PPP1CA: variants seen among roughly 807,000 people sequenced by gnomAD.
The protein encoded by PPP1CA is serine/threonine-protein phosphatase PP1-alpha catalytic subunit.
Under a neutral mutation model 38.5 loss-of-function variants are expected in PPP1CA, and 14 were observed. The observed-to-expected ratio is 0.36, with a 90% CI of 0.24 to 0.57. The LOEUF is 0.57. PPP1CA is among the 20% of genes least tolerant of loss of function. PPP1CA has a pLI of 0.80. For synonymous variants in PPP1CA, 200 were observed against 177.3 expected (o/e 1.13, Z -1.02); for missense variants, 277 against 435.2 (o/e 0.64, Z 3.23).
At position 67,398,781 on chromosome 11, in the gene PPP1CA, C is replaced by T; in HGVS notation, c.823G>A (p.Glu275Lys). ...TLFSAPNYCG[E>K]FDNAGAMMSV... ...ATCATGGCGCCAGCATTGTCAAACT[C>T]GCCACAGTAGTTGGGAGCTGAGAAA... The change falls in exon 6 of 7, where the codon GAG (glutamate) becomes AAG (lysine). Residue 275 changes from glutamate to lysine, a missense_variant. Coordinates refer to ENST00000376745, the MANE Select transcript of PPP1CA (RefSeq NM_002708.4). 1 of 1,613,916 alleles carries T rather than the reference C, an allele frequency of 6.2e-7. No homozygotes were observed. The highest frequency in any genetic ancestry group is 8.5e-7 in the Non-Finnish European group (1 of 1,180,022).
At position 67,398,203 on chromosome 11, in the gene PPP1CA, T is replaced by G. The variant is rs1284624857; in HGVS notation, c.*332A>C. 15 of 360,238 alleles carry G rather than the reference T, an allele frequency of 4.2e-5. No homozygotes were observed. Among genetic ancestry groups the G allele is most frequent in the Non-Finnish European group, 7.1e-5 (14 of 195,808 alleles). The allele number at this position is 360,238 out of a possible 1,614,324, so 22.3% of individuals were successfully genotyped here. On this transcript the variant is annotated 3_prime_UTR_variant, in exon 7 of 7. Coordinates refer to ENST00000376745, the MANE Select transcript of PPP1CA (RefSeq NM_002708.4). ...ATGGCGAGAATCCAGCTTTGACCTT[T>G]ATTCAAGAGACCAGATGGGTTGCCC...
chr11:67,401,622 TC>T, intron 1 of PPP1CA, 105 bp downstream of exon 1: 1 of 1,046,328 alleles, frequency 9.6e-7, no homozygotes, highest in Non-Finnish European at 1.2e-6. Flanking sequence ...TCGCTGCCCG[TC>T]CCCGCCCAGT....
At chr11:67,400,572 C>T (rs372389853) in intron 3 of PPP1CA, 117 bp downstream of exon 3, 4 of 1,043,800 alleles carry the variant, frequency 3.8e-6, no homozygotes, top group East Asian at 4.9e-5. Flanking sequence ...GCCCCGCCTT[C>T]GTGGAGCGCA....
Position 67,398,524 on chromosome 11 carries a change from G to C in PPP1CA, c.*11C>G. 6.2e-7 allele frequency: 1 copy of C among 1,610,892 alleles called. No homozygotes were observed. Among genetic ancestry groups the C allele is most frequent in the Non-Finnish European group, 8.5e-7 (1 of 1,177,456 alleles). Reference sequence around the variant, plus strand: ...AATCCATCATCTGGGGCACAGGGTGGTGTGCGGGGGCTATTTCTTGGCTTT... The same window carrying C: ...AATCCATCATCTGGGGCACAGGGTGCTGTGCGGGGGCTATTTCTTGGCTTT... On this transcript the variant is annotated 3_prime_UTR_variant, in exon 7 of 7. Coordinates refer to ENST00000376745, the MANE Select transcript of PPP1CA (RefSeq NM_002708.4).
At position 67,399,204 on chromosome 11, in the gene PPP1CA, TCCTC is replaced by T. The variant is rs761163476; in HGVS notation, c.524-45_524-42del. 78 of 1,570,412 alleles carry T rather than the reference TCCTC, an allele frequency of 5.0e-5. No individual in the cohort carries two copies. In the East Asian group the frequency reaches 1.1e-3, roughly 23 times the overall value. On this transcript the variant is annotated intron_variant, in intron 4 of 6. Transcript: ENST00000376745. ...AAGGTCACTTCCTCAAACAAGGACA[TCCTC>T]CCTCCAGGAAGCCTTGGCCAATGAA... is the stretch of plus-strand genomic sequence containing the variant.
intron 4 of PPP1CA, 138 bp downstream of exon 4, chr11:67,399,423 A>G (rs2134981536): frequency 1.3e-6 from 1 of 781,112 alleles, no homozygotes; most frequent in East Asian, 2.7e-5. Flanking sequence ...ACATCAAGGA[A>G]GTGAGTGCAG....
rs1862876220 is a variant in PPP1CA at position 67,400,932 on chromosome 11, G to A, written c.188-13C>T. 6.2e-7 allele frequency: 1 copy of A among 1,612,786 alleles called. No individual in the cohort carries two copies. ...CCGTGTATGTCACCTGTGACCCAGG[G>A]AACCGGGTAAGCTAGATGCAAGGTC... On this transcript the variant is annotated splice_polypyrimidine_tract_variant and intron_variant, in intron 2 of 6. Transcript: ENST00000376745.
intron 3 of PPP1CA, 72 bp from the exon 4 acceptor site, chr11:67,399,737 C>A: frequency 3.1e-6 from 4 of 1,298,186 alleles, no homozygotes; most frequent in Non-Finnish European, 3.3e-6. Flanking sequence ...GCTATTCAGC[C>A]GTGGCTGGGA....
At chr11:67,399,234 C>A in intron 4 of PPP1CA, 71 bp from the exon 5 acceptor site, 3 of 1,345,242 alleles carry the variant, frequency 2.2e-6, no homozygotes, top group South Asian at 2.5e-5. Flanking sequence ...GGCCAATGAA[C>A]CCCACCTTTC....
chr11:67,401,269 T>C (rs1483602344), intron 1 of PPP1CA, 70 bp from the exon 2 acceptor site: 1 of 1,601,152 alleles, frequency 6.2e-7, no homozygotes, highest in Non-Finnish European at 8.5e-7. Context: ...GGTGGCCCCA[T>C]GGATACCTCC....
In PPP1CA at chr11:67,398,875, A is replaced by C; in HGVS notation, c.748-19T>G. On this transcript the variant is annotated intron_variant, in intron 5 of 6. Transcript: ENST00000376745. Reference sequence around the variant, plus strand: ...CTACCACCTGGGCGAGGATGGGAGCAGTCAGTCCCGAGCGCAGGCACGGCC... The same window carrying C: ...CTACCACCTGGGCGAGGATGGGAGCCGTCAGTCCCGAGCGCAGGCACGGCC... 6.2e-7 allele frequency: 1 copy of C among 1,612,228 alleles called. No individual in the cohort carries two copies.
At position 67,401,796 on chromosome 11, in the gene PPP1CA, C is replaced by A; in HGVS notation, c.-14G>T. ...GCTGTCGGACATGGCGGCGCCGCCG[C>A]TCCAGCCCAGCAGCTCCTGGCCCGC... On this transcript the variant is annotated 5_prime_UTR_variant, in exon 1 of 7. Transcript: ENST00000376745. The A allele has an allele frequency of 6.8e-7, 1 of 1,466,378 alleles. No homozygotes were observed. Among genetic ancestry groups the A allele is most frequent in the Non-Finnish European group, 9.1e-7 (1 of 1,099,700 alleles). The allele number at this position is 1,466,378 out of a possible 1,614,324, so 90.8% of individuals were successfully genotyped here.
rs1862878674 is a variant in PPP1CA at position 67,401,057 on chromosome 11, CG to C, written c.187+10del. ...TTTAGGAAGGCAAGGGGACCTGGGC[CG>C]GGGGCTCACCGCAGATCTTGAGGGG... On this transcript the variant is annotated intron_variant, in intron 2 of 6. Transcript: ENST00000376745. 1.9e-6 allele frequency: 3 copies of C among 1,613,296 alleles called. No individual in the cohort carries two copies. Among genetic ancestry groups the C allele is most frequent in the Non-Finnish European group, 2.5e-6 (3 of 1,179,768 alleles).
Position 67,401,715 on chromosome 11 carries a change from C to G in PPP1CA, c.55+13G>C. 1.4e-6 allele frequency: 2 copies of G among 1,454,734 alleles called. No individual in the cohort carries two copies. Among genetic ancestry groups the G allele is most frequent in the Non-Finnish European group, 1.8e-6 (2 of 1,094,220 alleles). The allele number at this position is 1,454,734 out of a possible 1,614,324, so 90.1% of individuals were successfully genotyped here. A position where few individuals can be genotyped will look rare whatever the true frequency, so the allele number is the denominator to read the frequency against. ...GGGCGCGGCGGACGCGGGCCTCCCC[C>G]GCCCCGACCAACCTTCCAGCAGGCG... On this transcript the variant is annotated intron_variant, in intron 1 of 6. Coordinates refer to ENST00000376745, the MANE Select transcript of PPP1CA (RefSeq NM_002708.4).
chr11:67,400,924 G>A lies in PPP1CA; in HGVS notation c.188-5C>T. The stretch of plus-strand genomic sequence containing the variant: ...AGTACTGGCCGTGTATGTCACCTGT[G>A]ACCCAGGGAACCGGGTAAGCTAGAT... On this transcript the variant is annotated splice_polypyrimidine_tract_variant and splice_region_variant and intron_variant, in intron 2 of 6. Coordinates refer to ENST00000376745, the MANE Select transcript of PPP1CA (RefSeq NM_002708.4). The A allele has an allele frequency of 2.5e-6, 4 of 1,613,816 alleles. No homozygotes were observed. Among genetic ancestry groups the A allele is most frequent in the Middle Eastern group, 1.7e-4 (1 of 6,060 alleles).
rs1862830751 is a variant in PPP1CA, at chr11:67,399,440, A to T, written c.523+121T>A. On this transcript the variant is annotated intron_variant, in intron 4 of 6. Coordinates refer to ENST00000376745, the MANE Select transcript of PPP1CA (RefSeq NM_002708.4). The stretch of plus-strand genomic sequence containing the variant: ...ATCAAGGAAGTGAGTGCAGCCCAGC[A>T]CAGTGGGGTATGGGGGACACTTCCT... The T allele has an allele frequency of 5.7e-6, 5 of 877,060 alleles. 1 individual carries two copies. The South Asian group carries it at 7.8e-5, about 14-fold the overall frequency. The allele number at this position is 877,060 out of a possible 1,614,324, so 54.3% of individuals were successfully genotyped here.
intron 1 of PPP1CA, 137 bp from the exon 2 acceptor site, chr11:67,401,336 G>A: frequency 3.5e-6 from 5 of 1,448,970 alleles, no homozygotes; most frequent in South Asian, 2.5e-5. Context: ...TTGCTGCTGA[G>A]CCTCCCGGGA....
chr11:67,398,825 T>C lies in PPP1CA; in HGVS notation c.779A>G (p.Lys260Arg), dbSNP rs755953452. The C allele has an allele frequency of 1.9e-6, 3 of 1,613,492 alleles. No individual in the cohort carries two copies. Among genetic ancestry groups the C allele is most frequent in the African/African-American group, 2.7e-5 (2 of 74,890 alleles). The change falls in exon 6 of 7, where the codon AAG becomes AGG. Residue 260 changes from lysine to arginine, a missense_variant. Physicochemically the swap from Lys to Arg is conservative, Grantham distance 26. This residue lies in a region of PPP1CA where 180 missense variants were observed against 356.7 expected (regional missense o/e 0.50). Coordinates refer to ENST00000376745, the MANE Select transcript of PPP1CA (RefSeq NM_002708.4). ...TGAGAAAAGTGTCACCAGCTGCCGC[T>C]TGGCAAAGAACTCGTAGCCGTCTTC... ...VVEDGYEFFAKRQLVTLFSAP... is the reference protein window; with the variant it reads ...VVEDGYEFFARRQLVTLFSAP...
Position 67,401,747 on chromosome 11 carries a change from G to T in PPP1CA, c.36C>A (p.Ile12=). ...SDSEKLNLDS[I]IGRLLEVQGS... ...ACCAACCTTCCAGCAGGCGCCCGAT[G>T]ATCGAGTCCAGGTTGAGCTTCTCGC... Residue 12 remains isoleucine, a synonymous_variant, in exon 1 of 7, where the codon ATC becomes ATA. Coordinates refer to ENST00000376745, the MANE Select transcript of PPP1CA (RefSeq NM_002708.4). 1 of 1,479,742 alleles carries T rather than the reference G, an allele frequency of 6.8e-7. No individual in the cohort carries two copies. The highest frequency in any genetic ancestry group is 2.9e-5 in the East Asian group (1 of 34,936). 91.7% of individuals were successfully genotyped at this position (1,479,742 alleles called of 1,614,324 possible).
Sources: gnomAD v4.1 joint callset for allele counts on GRCh38, gnomAD v4.1.1 for gene constraint, gnomAD v4.1.1 regional missense constraint, MANE v1.5 for transcripts, NCBI Gene and HGNC (gene_info 2026-07-23, HGNC 2026-07-21) for gene names.